SYNPR: variants seen among roughly 807,000 people sequenced by gnomAD.
The protein encoded by SYNPR is synaptoporin.
A neutral mutation model predicts 32.9 loss-of-function variants in SYNPR; 23 were observed. That is an observed-to-expected ratio of 0.70 (90% CI 0.50 to 0.99). SYNPR has a LOEUF of 0.99. Among genes scored for constraint, SYNPR ranks in the 50% least tolerant of loss-of-function variants. SYNPR has a pLI of 0.00. For synonymous variants in SYNPR, 146 were observed against 135.9 expected (o/e 1.07, Z -0.52); for missense variants, 318 against 349.3 (o/e 0.91, Z 0.71).
chr3:63,291,547 TGTCATAATCATCAACTAGA>T (rs1339973877), intron 2 of SYNPR, among the ~76,000 whole-genome samples: 2 of 152,168 alleles, frequency 1.3e-5, no homozygotes, highest in African/African-American at 2.4e-5. Flanking sequence ...ATGTTTTCTG[TGTCATAATCATCAACTAGA>T]GTTTAGGTAA....
intron 4 of SYNPR, among the ~76,000 whole-genome samples, chr3:63,568,554 G>C (rs1702833372): frequency 6.6e-6 from 1 of 152,144 alleles, no homozygotes; most frequent in Non-Finnish European, 1.5e-5. Context: ...CTCAAGCCAG[G>C]AATCAAAGTC....
At chr3:63,308,962 A>G (rs1575593402) in intron 2 of SYNPR, among the ~76,000 whole-genome samples, 1 of 151,890 alleles carries the variant, frequency 6.6e-6, no homozygotes, top group East Asian at 1.9e-4. Context: ...CTCCCCTTCT[A>G]TAGACTTCAG....
chr3:63,317,108 A>G (rs1256176754), intron 2 of SYNPR, among the ~76,000 whole-genome samples: 1 of 151,880 alleles, frequency 6.6e-6, no homozygotes, highest in African/African-American at 2.4e-5. Flanking sequence ...GCTTGATATA[A>G]TTTTAATTTT....
chr3:63,536,041 G>C (rs1309698660), intron 3 of SYNPR, among the ~76,000 whole-genome samples: 2 of 151,986 alleles, frequency 1.3e-5, no homozygotes, highest in African/African-American at 4.8e-5. Flanking sequence ...TGAGATGGGA[G>C]AATCACTTGA....
chr3:63,434,920 A>G (rs2107150365), intron 2 of SYNPR, among the ~76,000 whole-genome samples: 1 of 152,350 alleles, frequency 6.6e-6, no homozygotes, highest in Admixed American at 6.5e-5. Flanking sequence ...GAACAATGTA[A>G]TATTGTGTGC....
intron 2 of SYNPR, among the ~76,000 whole-genome samples, chr3:63,405,789 G>T (rs2088352113): frequency 2.0e-5 from 3 of 152,146 alleles, no homozygotes; most frequent in African/African-American, 7.2e-5. Flanking sequence ...GATTTGAAAA[G>T]AACATTAAAT....
intron 2 of SYNPR, among the ~76,000 whole-genome samples, chr3:63,299,076 T>C (rs2086817874): frequency 6.6e-6 from 1 of 152,150 alleles, no homozygotes; most frequent in Non-Finnish European, 1.5e-5. Flanking sequence ...TCTGAGCTTA[T>C]ATTAAAAAAA....
At position 63,278,388 on chromosome 3, in the gene SYNPR, G is replaced by A. The variant is rs1575583794; in HGVS notation, c.-146G>A. 3.7e-6 allele frequency: 4 copies of A among 1,075,822 alleles called. No homozygotes were observed. Among genetic ancestry groups the A allele is most frequent in the Middle Eastern group, 6.3e-4 (2 of 3,172 alleles). 66.6% of individuals were successfully genotyped at this position (1,075,822 alleles called of 1,614,324 possible). A position where few individuals can be genotyped will look rare whatever the true frequency, so the allele number is the denominator to read the frequency against. On this transcript the variant is annotated 5_prime_UTR_variant, in exon 1 of 6. Transcript: ENST00000478300. ...CCCAGCGTTAGCGGGTGGGCTCCCC[G>A]AGGCCCCCTGCCCTCGCCGGGCTGC... is the stretch of plus-strand genomic sequence containing the variant.
Position 63,353,849 on chromosome 3 carries a change from G to A in SYNPR, c.84+75107G>A, listed in dbSNP as rs189620564. Among the ~76,000 whole-genome samples the A allele has an allele frequency of 2.1e-4, 32 of 152,270 alleles. 1 individual carries two copies. In the Middle Eastern group the frequency reaches 0.01, roughly 49 times the overall value. The stretch of plus-strand genomic sequence containing the variant: ...GTGAATTTTAATGCACAAAAATATA[G>A]TGCTGTCAGATACTTGTTTTTCATT... On this transcript the variant is annotated intron_variant, in intron 2 of 5. Coordinates refer to ENST00000478300, the MANE Select transcript of SYNPR (RefSeq NM_001130003.2).
intron 2 of SYNPR, among the ~76,000 whole-genome samples, chr3:63,403,895 C>G (rs1001954810): frequency 3.3e-5 from 5 of 152,196 alleles, no homozygotes; most frequent in African/African-American, 9.6e-5. Context: ...CATCCTTGAT[C>G]GACCACAACA....
chr3:63,574,837 G>T (rs748886067), intron 4 of SYNPR, among the ~76,000 whole-genome samples: 1 of 152,082 alleles, frequency 6.6e-6, no homozygotes, highest in Non-Finnish European at 1.5e-5. Flanking sequence ...AGATAAGCAG[G>T]CAATTTAAGG....
chr3:63,390,114 T>C (rs536442868), intron 2 of SYNPR, among the ~76,000 whole-genome samples: 1 of 152,328 alleles, frequency 6.6e-6, no homozygotes, highest in South Asian at 2.1e-4. Flanking sequence ...GAAAACCACG[T>C]GAAATCTCAG....
rs538259949 is a variant in SYNPR, at chr3:63,455,947, C to T, written c.85-24885C>T. Among the ~76,000 whole-genome samples the T allele has an allele frequency of 2.6e-5, 4 of 152,042 alleles. No homozygotes were observed. In the South Asian group the frequency reaches 8.3e-4, roughly 32 times the overall value. ...ACCTTCCACAAGACTTGGCAATTTG[C>T]AAAAGAAAGAGGTTTAATGGACTAT... On this transcript the variant is annotated intron_variant, in intron 2 of 5. Coordinates refer to ENST00000478300, the MANE Select transcript of SYNPR (RefSeq NM_001130003.2).
intron 3 of SYNPR, among the ~76,000 whole-genome samples, chr3:63,530,338 T>C (rs1575694786): frequency 6.6e-6 from 1 of 152,094 alleles, no homozygotes; most frequent in Non-Finnish European, 1.5e-5. Context: ...TGCTCCTGGG[T>C]GGCCCATGGT....
At chr3:63,280,087 C>A (rs1018196921) in intron 2 of SYNPR, among the ~76,000 whole-genome samples, 2 of 152,130 alleles carry the variant, frequency 1.3e-5, no homozygotes, top group Non-Finnish European at 2.9e-5. Flanking sequence ...AATAATAGCT[C>A]CATTGTCAAG....
intron 4 of SYNPR, among the ~76,000 whole-genome samples, chr3:63,561,067 T>C (rs1702680168): frequency 6.6e-6 from 1 of 152,252 alleles, no homozygotes; most frequent in South Asian, 2.1e-4. Context: ...AATTGCTGTA[T>C]CAGGTGAACA....
At chr3:63,386,355 G>T (rs1457715855) in intron 2 of SYNPR, among the ~76,000 whole-genome samples, 1 of 152,176 alleles carries the variant, frequency 6.6e-6, no homozygotes, top group East Asian at 1.9e-4. Flanking sequence ...CTCTGTAGGA[G>T]TTCCCCTGTT....
At chr3:63,203,068 G>GTATATATATATATATATATATTA in the SYNPR span, 1 of 108,594 alleles carries the variant, frequency 9.2e-6, no homozygotes, top group Non-Finnish European at 1.8e-5. Flanking sequence ...ATATGTATGT[G>GTATATATATATATATATATATTA]TATATATATA....
At chr3:63,517,523 C>T (rs1408201154) in intron 3 of SYNPR, among the ~76,000 whole-genome samples, 1 of 152,050 alleles carries the variant, frequency 6.6e-6, no homozygotes, top group African/African-American at 2.4e-5. Flanking sequence ...TAAAAAGTGC[C>T]ATGCAGAATC....
Sources: allele counts gnomAD v4.1 joint callset (sites outside exome capture counted in the v4.1 genomes callset), GRCh38; gene constraint gnomAD v4.1.1; transcripts MANE v1.5; gene names NCBI Gene and HGNC (gene_info 2026-07-23, HGNC 2026-07-21).